CA2: variants seen among roughly 807,000 people sequenced by gnomAD.
CA2 encodes the protein carbonic anhydrase 2.
CA2 carries 23 observed loss-of-function variants against 27.8 expected under a neutral mutation model. The observed-to-expected ratio is 0.83, with a 90% CI of 0.59 to 1.17. The LOEUF is 1.17. Among genes scored for constraint, CA2 ranks in the 50% most tolerant of loss-of-function variants. The pLI is 0.00. For synonymous variants in CA2, 99 were observed against 114.9 expected (o/e 0.86, Z 0.88); for missense variants, 300 against 314.7 (o/e 0.95, Z 0.35).
chr8:85,475,893 T>A, intron 5 of CA2, 33 bp downstream of exon 5: 2 of 1,574,602 alleles, frequency 1.3e-6, no homozygotes, highest in Non-Finnish European at 1.7e-6. Context: ...CTCCTTAGGG[T>A]ACCAATTTTC....
chr8:85,472,138 G>A (rs1052079867), intron 2 of CA2, among the ~76,000 whole-genome samples: 11 of 152,128 alleles, frequency 7.2e-5, no homozygotes, highest in Non-Finnish European at 1.6e-4. Flanking sequence ...TACCATGTAA[G>A]GATATTTAGG....
intron 1 of CA2, chr8:85,464,426 G>C: frequency 2.8e-6 from 1 of 362,014 alleles, no homozygotes. Context: ...GTCCCTCCCG[G>C]GTCCCGACCT....
chr8:85,469,286 G>A (rs1158942175), intron 2 of CA2, among the ~76,000 whole-genome samples: 2 of 152,026 alleles, frequency 1.3e-5, no homozygotes, highest in African/African-American at 4.8e-5. Context: ...TGAGATTTCA[G>A]CCTTCTAGAA....
At chr8:85,471,748 T>C (rs960209776) in intron 2 of CA2, among the ~76,000 whole-genome samples, 1 of 151,894 alleles carries the variant, frequency 6.6e-6, no homozygotes, top group African/African-American at 2.4e-5. Flanking sequence ...TTTTTCAGTA[T>C]TAATTTATTT....
intron 5 of CA2, among the ~76,000 whole-genome samples, chr8:85,476,918 C>G (rs76807463): frequency 6.7e-6 from 1 of 148,834 alleles, no homozygotes; most frequent in East Asian, 2.0e-4. Context: ...TTTTTTTTTA[C>G]TACGACTTGC....
At chr8:85,468,577 G>C (rs917370670) in intron 2 of CA2, among the ~76,000 whole-genome samples, 1 of 152,134 alleles carries the variant, frequency 6.6e-6, no homozygotes, top group Non-Finnish European at 1.5e-5. Context: ...TGGCCAACAG[G>C]GTGAAACACT....
In CA2 at chr8:85,474,316, G is replaced by C. The variant is rs369557332; in HGVS notation, c.352-8G>C. The C allele has an allele frequency of 2.5e-6, 4 of 1,609,964 alleles. No homozygotes were observed. The South Asian group carries it at 3.3e-5, about 13-fold the overall frequency. On this transcript the variant is annotated splice_region_variant and splice_polypyrimidine_tract_variant and intron_variant, in intron 3 of 6. Transcript: ENST00000285379. ...TCACTCACTGTGGCTTTGTCTCTTCGGCCTTAGCTTCACTTGGTTCACTGG... is the reference window on the plus strand; with the variant it reads ...TCACTCACTGTGGCTTTGTCTCTTCCGCCTTAGCTTCACTTGGTTCACTGG...
At chr8:85,464,182 C>A in intron 1 of CA2, 67 bp downstream of exon 1, 1 of 1,428,164 alleles carries the variant, frequency 7.0e-7, no homozygotes, top group Non-Finnish European at 9.4e-7. Flanking sequence ...GATCCCCGAG[C>A]CCGGATGCCG....
intron 2 of CA2, among the ~76,000 whole-genome samples, chr8:85,467,908 C>A (rs1357683134): frequency 6.6e-6 from 1 of 152,196 alleles, no homozygotes; most frequent in East Asian, 1.9e-4. Flanking sequence ...CATGTATTAT[C>A]CACCTAGTTC....
At chr8:85,473,491 C>A (rs1419832836) in intron 2 of CA2, 1 of 677,658 alleles carries the variant, frequency 1.5e-6, no homozygotes, top group East Asian at 2.9e-5. Flanking sequence ...TGTTCAGCAC[C>A]GTAGACTAAA....
At chr8:85,474,056 T>C in intron 3 of CA2, 2 of 605,102 alleles carry the variant, frequency 3.3e-6, no homozygotes, top group Middle Eastern at 4.4e-4. Flanking sequence ...TGGAGGATCC[T>C]GTTTTAACAG....
At position 85,473,923 on chromosome 8, in the gene CA2, C is replaced by G. The variant is rs987480522; in HGVS notation, c.351+112C>G. On this transcript the variant is annotated intron_variant, in intron 3 of 6. Coordinates refer to ENST00000285379, the MANE Select transcript of CA2 (RefSeq NM_000067.3). The stretch of plus-strand genomic sequence containing the variant: ...TCAACTCACGCCCAGTGAACCACTT[C>G]TTTTACAAAGGACCTTCACATTTGC... 9.3e-6 allele frequency: 7 copies of G among 756,592 alleles called. No homozygotes were observed. In the Admixed American group the frequency reaches 1.3e-4, roughly 14 times the overall value. The allele number at this position is 756,592 out of a possible 1,614,324, so 46.9% of individuals were successfully genotyped here. A position where few individuals can be genotyped will look rare whatever the true frequency, so the allele number is the denominator to read the frequency against.
intron 4 of CA2, 111 bp from the exon 5 acceptor site, chr8:85,475,687 G>C: frequency 2.2e-6 from 2 of 911,770 alleles, no homozygotes; most frequent in South Asian, 2.8e-5. Flanking sequence ...ATGAAGTGGA[G>C]AATTTGGGCT....
At chr8:85,464,606 A>T (rs1178900169) in intron 1 of CA2, 1 of 146,068 alleles carries the variant, frequency 6.8e-6, no homozygotes, top group African/African-American at 2.6e-5. Context: ...CTCAGCACGA[A>T]CTGTCCCGGG....
At position 85,477,276 on chromosome 8, in the gene CA2, G is replaced by T. The variant is rs761874042; in HGVS notation, c.663+1G>T. ...ACCCATCAGCGTCAGCAGCGAGCAG[G>T]TTTGTTTTGTAATGACAGGTCTGTT... On this transcript the variant is annotated splice_donor_variant, in intron 6 of 6. Coordinates refer to ENST00000285379, the MANE Select transcript of CA2 (RefSeq NM_000067.3). LOFTEE classifies it high-confidence loss of function. 1.2e-6 allele frequency: 2 copies of T among 1,614,038 alleles called. No individual in the cohort carries two copies. The highest frequency in any genetic ancestry group is 1.7e-6 in the Non-Finnish European group (2 of 1,179,962).
At chr8:85,473,214 A>G (rs1009073728) in intron 2 of CA2, among the ~76,000 whole-genome samples, 2 of 152,114 alleles carry the variant, frequency 1.3e-5, no homozygotes, top group Non-Finnish European at 2.9e-5. Flanking sequence ...AGCAGGCTGT[A>G]TGGCAGCAAT....
chr8:85,469,517 T>C (rs540501502), intron 2 of CA2, among the ~76,000 whole-genome samples: 1 of 152,310 alleles, frequency 6.6e-6, no homozygotes, highest in Admixed American at 6.5e-5. Context: ...AAATTCACCT[T>C]AAGTTAATGA....
At chr8:85,480,229 C>T (rs1811866877) in intron 6 of CA2, among the ~76,000 whole-genome samples, 1 of 152,124 alleles carries the variant, frequency 6.6e-6, no homozygotes, top group African/African-American at 2.4e-5. Flanking sequence ...ATGCACAGCA[C>T]TGAATGTTGT....
At position 85,474,640 on chromosome 8, in the gene CA2, T is replaced by C. The variant is rs1811763772; in HGVS notation, c.444+224T>C. On this transcript the variant is annotated intron_variant, in intron 4 of 6. Transcript: ENST00000285379. ...TTATTTGGTACCTTTTGGATGTAAATGTGAAGAACATAAAGAGATCAACTT... is the reference window on the plus strand; with the variant it reads ...TTATTTGGTACCTTTTGGATGTAAACGTGAAGAACATAAAGAGATCAACTT... 5 of 556,584 alleles carry C rather than the reference T, an allele frequency of 9.0e-6. No individual in the cohort carries two copies. In the East Asian group the frequency reaches 1.6e-4, roughly 18 times the overall value. The allele number at this position is 556,584 out of a possible 1,614,324, so 34.5% of individuals were successfully genotyped here. A position where few individuals can be genotyped will look rare whatever the true frequency, so the allele number is the denominator to read the frequency against.
Sources: allele counts gnomAD v4.1 joint callset (sites outside exome capture counted in the v4.1 genomes callset), GRCh38; gene constraint gnomAD v4.1.1; transcripts MANE v1.5; gene names NCBI Gene and HGNC (gene_info 2026-07-23, HGNC 2026-07-21).